Variants in SUGCT observed in about 807,000 individuals in gnomAD.
SUGCT encodes succinyl-CoA:glutarate-CoA transferase, also known as succinyl-CoA:glutarate CoA-transferase.
SUGCT carries 41 observed loss-of-function variants against 55.0 expected under a neutral mutation model. The ratio of observed to expected loss-of-function variants is 0.74; its 90% CI spans 0.58 to 0.97. The LOEUF (loss-of-function observed/expected upper bound fraction) is 0.97. Among genes scored for constraint, SUGCT ranks in the 50% least tolerant of loss-of-function variants. The pLI is 0.00. For synonymous variants in SUGCT, 187 were observed against 200.4 expected (o/e 0.93, Z 0.56); for missense variants, 568 against 547.8 (o/e 1.04, Z -0.37).
At chr7:40,650,402 T>A (rs1214004198) in intron 12 of SUGCT, among the ~76,000 whole-genome samples, 4 of 152,192 alleles carry the variant, frequency 2.6e-5, no homozygotes, top group Admixed American at 6.5e-5. Context: ...AACATGTTGG[T>A]TTCAGCTCTC....
At chr7:40,214,665 G>C (rs137966586) in intron 6 of SUGCT, among the ~76,000 whole-genome samples, 2,657 of 152,040 alleles carry the variant, frequency 0.017, 73 homozygotes, top group African/African-American at 0.062. Flanking sequence ...CCTGTAATCC[G>C]AGCACTTTGG....
At chr7:40,699,397 G>A (rs1785077932) in intron 12 of SUGCT, among the ~76,000 whole-genome samples, 1 of 152,136 alleles carries the variant, frequency 6.6e-6, no homozygotes, top group Non-Finnish European at 1.5e-5. Context: ...GGGAGCTCAG[G>A]CCACATGGCA....
chr7:40,301,149 G>A (rs932704912), intron 8 of SUGCT, among the ~76,000 whole-genome samples: 5 of 152,080 alleles, frequency 3.3e-5, no homozygotes, highest in Non-Finnish European at 7.4e-5. Context: ...AGTGTTTAGT[G>A]TGTGTCTTTT....
At chr7:40,821,601 G>A (rs1584489345) in intron 13 of SUGCT, among the ~76,000 whole-genome samples, 1 of 152,122 alleles carries the variant, frequency 6.6e-6, no homozygotes, top group South Asian at 2.1e-4. Flanking sequence ...CTGTGGGATC[G>A]GTGGTGATAT....
At chr7:40,348,303 C>G (rs1393870900) in intron 9 of SUGCT, among the ~76,000 whole-genome samples, 5 of 152,194 alleles carry the variant, frequency 3.3e-5, no homozygotes, top group Admixed American at 3.3e-4. Context: ...CAGGATATTT[C>G]TCATGGCCGG....
At chr7:40,853,527 G>A (rs536714185) in intron 13 of SUGCT, among the ~76,000 whole-genome samples, 3 of 152,076 alleles carry the variant, frequency 2.0e-5, no homozygotes, top group East Asian at 3.9e-4. Flanking sequence ...ACCACACCCC[G>A]CTAATTTTTT....
chr7:40,227,837 A>G (rs1788469375), intron 6 of SUGCT, among the ~76,000 whole-genome samples: 1 of 150,956 alleles, frequency 6.6e-6, no homozygotes, highest in South Asian at 2.1e-4. Flanking sequence ...AAATAATCAT[A>G]ATTCCTTTAT....
At chr7:40,535,891 T>C (rs537337545) in intron 12 of SUGCT, among the ~76,000 whole-genome samples, 1 of 152,324 alleles carries the variant, frequency 6.6e-6, no homozygotes, top group Admixed American at 6.5e-5. Context: ...CTCATTGTGG[T>C]TTTGATTTGG....
At chr7:40,516,737 T>C (rs1444435896) in intron 12 of SUGCT, among the ~76,000 whole-genome samples, 5 of 152,156 alleles carry the variant, frequency 3.3e-5, no homozygotes, top group Admixed American at 3.3e-4. Context: ...GTAGCTCTGT[T>C]GTTAAGTTTT....
At chr7:40,776,243 C>A (rs1413651522) in intron 13 of SUGCT, among the ~76,000 whole-genome samples, 1 of 152,190 alleles carries the variant, frequency 6.6e-6, no homozygotes, top group East Asian at 1.9e-4. Context: ...TTCTCTTTCC[C>A]ACGCTGCCTC....
intron 12 of SUGCT, among the ~76,000 whole-genome samples, chr7:40,720,105 G>C (rs1320419441): frequency 6.6e-6 from 1 of 152,102 alleles, no homozygotes; most frequent in East Asian, 1.9e-4. Flanking sequence ...TGCAATTCTG[G>C]TACAAGTCAT....
chr7:40,804,429 T>TAGATATTTGAGCTTTA (rs1205023186), intron 13 of SUGCT, among the ~76,000 whole-genome samples: 15 of 152,146 alleles, frequency 9.9e-5, no homozygotes, highest in Non-Finnish European at 2.1e-4. Context: ...AAATATCTCT[T>TAGATATTTGAGCTTTA]AGATAATATG....
chr7:40,669,640 AC>A (rs1443430071), intron 12 of SUGCT, among the ~76,000 whole-genome samples: 1 of 151,288 alleles, frequency 6.6e-6, no homozygotes, highest in Non-Finnish European at 1.5e-5. Context: ...AAAAAAAACC[AC>A]CCCAAAACAA....
At chr7:40,867,806 C>G in the SUGCT span, among the ~76,000 whole-genome samples, 1 of 152,194 alleles carries the variant, frequency 6.6e-6, no homozygotes, top group African/African-American at 2.4e-5. Context: ...TGTTTGCTGT[C>G]TTAGTCCCCT....
chr7:40,461,595 G>A (rs928082771), intron 11 of SUGCT, among the ~76,000 whole-genome samples: 96 of 152,232 alleles, frequency 6.3e-4, no homozygotes, highest in Admixed American at 4.6e-4. Context: ...TGCCTTGTCC[G>A]TTGCCATTGC....
At chr7:40,175,091 G>A (rs1562815265) in intron 1 of SUGCT, among the ~76,000 whole-genome samples, 1 of 151,876 alleles carries the variant, frequency 6.6e-6, no homozygotes, top group Non-Finnish European at 1.5e-5. Context: ...TTTCCATTAC[G>A]CTGTGTTTCT....
intron 9 of SUGCT, among the ~76,000 whole-genome samples, chr7:40,407,061 T>TA (rs893153849): frequency 6.1e-4 from 93 of 151,922 alleles, no homozygotes; most frequent in African/African-American, 2.1e-3. Flanking sequence ...TCAAAAAAGA[T>TA]AAAAAAAAGA....
rs573974940 is a variant in SUGCT at position 40,264,103 on chromosome 7, T to C, written c.577-10410T>C. Among the ~76,000 whole-genome samples the C allele has an allele frequency of 5.9e-5, 9 of 152,316 alleles. No homozygotes were observed. In the East Asian group the frequency reaches 1.5e-3, roughly 26 times the overall value. On this transcript the variant is annotated intron_variant, in intron 7 of 13. Transcript: ENST00000335693. ...TGTAGTGTTAAGACTCTTTTCTCTG[T>C]CTTATTAGGGCTCTGTTTGTCAGTA... is the stretch of plus-strand genomic sequence containing the variant.
At chr7:40,371,359 T>A (rs1784287180) in intron 9 of SUGCT, among the ~76,000 whole-genome samples, 1 of 152,120 alleles carries the variant, frequency 6.6e-6, no homozygotes, top group African/African-American at 2.4e-5. Flanking sequence ...ATTTCTCCTA[T>A]AGCTGGTGAA....
Sources: gnomAD v4.1 joint callset for allele counts (sites outside exome capture counted in the v4.1 genomes callset) on GRCh38, gnomAD v4.1.1 for gene constraint, MANE v1.5 for transcripts, NCBI Gene and HGNC (gene_info 2026-07-23, HGNC 2026-07-21) for gene names.